Variants in CAMK1D observed in about 807,000 individuals in gnomAD.
CAMK1D encodes the protein calcium/calmodulin-dependent protein kinase type 1D.
In CAMK1D, 9 loss-of-function variants were observed where a neutral mutation model predicts 47.7. The ratio of observed to expected loss-of-function variants is 0.19; its 90% CI spans 0.11 to 0.33. The LOEUF is 0.33. Among genes scored for constraint, CAMK1D ranks in the 10% least tolerant of loss-of-function variants. The probability of loss-of-function intolerance (pLI) is 1.00; values close to 1 mark genes in which losing one functional copy is unlikely to be tolerated. For synonymous variants in CAMK1D, 184 were observed against 184.9 expected (o/e 0.99, Z 0.04); for missense variants, 291 against 488.7 (o/e 0.60, Z 3.81).
chr10:12,642,006 T>C (rs1839679571), intron 2 of CAMK1D, among the ~76,000 whole-genome samples: 1 of 149,020 alleles, frequency 6.7e-6, no homozygotes. Context: ...ATCACGCTAC[T>C]GCATTCCAGC....
At chr10:12,429,235 A>C (rs145491527) in intron 1 of CAMK1D, among the ~76,000 whole-genome samples, 1 of 147,896 alleles carries the variant, frequency 6.8e-6, no homozygotes, top group African/African-American at 2.5e-5. Flanking sequence ...CTTCTCCCCC[A>C]CTCTTCTTTC....
intron 3 of CAMK1D, among the ~76,000 whole-genome samples, chr10:12,670,126 C>CTT (rs58173311): frequency 7.9e-5 from 7 of 88,210 alleles, no homozygotes; most frequent in Admixed American, 3.7e-4. Flanking sequence ...TACCGTTTTG[C>CTT]TTTTTTTTTT....
At chr10:12,756,188 A>G (rs1253698816) in intron 3 of CAMK1D, among the ~76,000 whole-genome samples, 2 of 152,254 alleles carry the variant, frequency 1.3e-5, no homozygotes, top group African/African-American at 2.4e-5. Flanking sequence ...GCCTGCTTCC[A>G]GCATTAGCAG....
chr10:12,430,878 G>A (rs1832450052), intron 1 of CAMK1D, among the ~76,000 whole-genome samples: 1 of 60,190 alleles, frequency 1.7e-5, no homozygotes, highest in Admixed American at 1.3e-4. Context: ...ACCCTCTTAA[G>A]TAGCTGGATT....
chr10:12,549,175 C>T lies in CAMK1D; in HGVS notation c.93-4050C>T, dbSNP rs573114552. On this transcript the variant is annotated intron_variant, in intron 1 of 10. Transcript: ENST00000619168. Reference sequence around the variant, plus strand: ...CTGGCTTCCAGATCCTTTTCATCTTCCCAAATGGAAACTCCGTCCCCATTA... The same window carrying T: ...CTGGCTTCCAGATCCTTTTCATCTTTCCAAATGGAAACTCCGTCCCCATTA... Among the ~76,000 whole-genome samples the T allele has an allele frequency of 2.5e-3, 375 of 152,312 alleles. 2 individuals are homozygous for T. The highest frequency in any genetic ancestry group is 8.5e-3 in the African/African-American group (353 of 41,558).
intron 1 of CAMK1D, among the ~76,000 whole-genome samples, chr10:12,485,096 G>A (rs546997758): frequency 4.6e-5 from 7 of 152,326 alleles, no homozygotes; most frequent in African/African-American, 9.6e-5. Context: ...TGTTTTCACC[G>A]CTCCCCATAC....
At chr10:12,548,891 T>C (rs1288759547) in intron 1 of CAMK1D, among the ~76,000 whole-genome samples, 1 of 152,184 alleles carries the variant, frequency 6.6e-6, no homozygotes, top group African/African-American at 2.4e-5. Flanking sequence ...AGTCTCGCTC[T>C]GTCATCAAGG....
chr10:12,769,635 A>G, intron 4 of CAMK1D, 38 bp from the exon 5 acceptor site: 1 of 1,610,238 alleles, frequency 6.2e-7, no homozygotes, highest in East Asian at 2.2e-5. Flanking sequence ...CCAGCTTTAC[A>G]CGTAGTTTGT....
At chr10:12,368,754 A>G (rs538104186) in intron 1 of CAMK1D, among the ~76,000 whole-genome samples, 10 of 152,042 alleles carry the variant, frequency 6.6e-5, no homozygotes, top group African/African-American at 2.4e-4. Context: ...AAAAAAAAAA[A>G]AAAAGAAAGA....
At position 12,443,113 on chromosome 10, in the gene CAMK1D, C is replaced by A. The variant is rs567496458; in HGVS notation, c.92+93203C>A. 2.0e-5 allele frequency among the ~76,000 whole-genome samples: 3 copies of A among 152,162 alleles called. No individual in the cohort carries two copies. In the South Asian group the frequency reaches 6.2e-4, roughly 32 times the overall value. ...ACTGAGCTCTCAGAAATATATTTAT[C>A]CATGTATCTAAGGACTCTGGAAAAC... On this transcript the variant is annotated intron_variant, in intron 1 of 10. Coordinates refer to ENST00000619168, the MANE Select transcript of CAMK1D (RefSeq NM_153498.4).
At chr10:12,716,014 T>C (rs1354299590) in intron 3 of CAMK1D, among the ~76,000 whole-genome samples, 1 of 152,008 alleles carries the variant, frequency 6.6e-6, no homozygotes, top group Non-Finnish European at 1.5e-5. Context: ...CCCGGCCCAT[T>C]TTGCTTATTT....
In CAMK1D at chr10:12,794,872, GC is replaced by G. The variant is rs540943442; in HGVS notation, c.641+3641del. ...CACGACTGCACTTGGAGTACCACCA[GC>G]CTCAACTTTATTATCAGTAGATTAA... On this transcript the variant is annotated intron_variant, in intron 6 of 10. Transcript: ENST00000619168. Among the ~76,000 whole-genome samples the G allele has an allele frequency of 9.2e-5, 14 of 152,292 alleles. No homozygotes were observed. In the East Asian group the frequency reaches 1.7e-3, roughly 19 times the overall value.
rs144713999 is a variant in CAMK1D at position 12,493,301 on chromosome 10, C to T, written c.93-59924C>T. On this transcript the variant is annotated intron_variant, in intron 1 of 10. Transcript: ENST00000619168. ...GGCAGGATTACCTTTGGGGTGCTCA[C>T]AGGGCTCCTGGGGAGATGTGGCCAG... 1.3e-3 allele frequency among the ~76,000 whole-genome samples: 204 copies of T among 152,242 alleles called. 1 individual carries two copies. Among genetic ancestry groups the T allele is most frequent in the Non-Finnish European group, 1.9e-3 (130 of 68,022 alleles).
intron 2 of CAMK1D, among the ~76,000 whole-genome samples, chr10:12,630,388 T>TTTAAA (rs112347508): frequency 1.4e-5 from 2 of 142,264 alleles, no homozygotes; most frequent in Non-Finnish European, 3.0e-5. Flanking sequence ...TTTTTTTTTT[T>TTTAAA]AAAAAAAAGA....
chr10:12,378,969 C>A (rs1298156737), intron 1 of CAMK1D, among the ~76,000 whole-genome samples: 1 of 151,880 alleles, frequency 6.6e-6, no homozygotes, highest in East Asian at 1.9e-4. Context: ...ACCAGCATGC[C>A]CGGCTAATTT....
At position 12,379,138 on chromosome 10, in the gene CAMK1D, A is replaced by G. The variant is rs1003828045; in HGVS notation, c.92+29228A>G. On this transcript the variant is annotated intron_variant, in intron 1 of 10. Coordinates refer to ENST00000619168, the MANE Select transcript of CAMK1D (RefSeq NM_153498.4). ...CATGCATTTCTTTTAGTAGAGCAAG[A>G]AAATCTTTGAGGTACTATTTTGAAG... Among the ~76,000 whole-genome samples, 4 of 152,260 alleles carry G rather than the reference A, an allele frequency of 2.6e-5. No homozygotes were observed. In the East Asian group the frequency reaches 7.7e-4, roughly 29 times the overall value.
At chr10:12,521,307 A>G (rs1290085990) in intron 1 of CAMK1D, among the ~76,000 whole-genome samples, 1 of 152,084 alleles carries the variant, frequency 6.6e-6, no homozygotes, top group Non-Finnish European at 1.5e-5. Context: ...GGTACTTTGT[A>G]TTTTTATTTC....
At chr10:12,706,830 G>C (rs780046497) in intron 3 of CAMK1D, among the ~76,000 whole-genome samples, 6 of 152,082 alleles carry the variant, frequency 3.9e-5, no homozygotes, top group Admixed American at 1.3e-4. Flanking sequence ...TTGAGCATCT[G>C]CTTTGTGCTG....
At position 12,830,752 on chromosome 10, in the gene CAMK1D, C is replaced by T. The variant is rs1833401697; in HGVS notation, c.*1865C>T. 1 of 149,498 alleles carries T rather than the reference C, an allele frequency of 6.7e-6. No homozygotes were observed. Among genetic ancestry groups the T allele is most frequent in the Middle Eastern group, 3.4e-3 (1 of 292 alleles). 9.3% of individuals were successfully genotyped at this position (149,498 alleles called of 1,614,324 possible). On this transcript the variant is annotated 3_prime_UTR_variant, in exon 11 of 11. Transcript: ENST00000619168. ...CAATGCCTCGAGCCCACGGGGGTGT[C>T]CCGGCAGGTCTGCGTCATCACGACC...
Sources: gnomAD v4.1 joint callset for allele counts (sites outside exome capture counted in the v4.1 genomes callset) on GRCh38, gnomAD v4.1.1 for gene constraint, MANE v1.5 for transcripts, NCBI Gene and HGNC (gene_info 2026-07-23, HGNC 2026-07-21) for gene names.